The following UST variants were observed in gnomAD, a reference collection of about 807,000 sequenced individuals.
The protein encoded by UST is chondroitin sulfate 2-O-sulfotransferase.
In UST, 21 loss-of-function variants were observed where a neutral mutation model predicts 45.6. That is an observed-to-expected ratio of 0.46 (90% CI 0.33 to 0.66). The LOEUF is 0.66. Among genes scored for constraint, UST ranks in the 30% least tolerant of loss-of-function variants. The pLI is 0.02. For synonymous variants in UST, 215 were observed against 200.6 expected, an observed-to-expected ratio of 1.07 and a Z score of -0.61; for missense variants, 463 against 512.4, an observed-to-expected ratio of 0.90 and a Z score of 0.93.
rs569501176 is a variant in UST, at chr6:148,986,984, C to T, written c.681+22421C>T. Among the ~76,000 whole-genome samples the T allele has an allele frequency of 3.7e-4, 57 of 152,360 alleles. No homozygotes were observed. In the South Asian group the frequency reaches 9.3e-3, roughly 25 times the overall value. On this transcript the variant is annotated intron_variant, in intron 5 of 7. Transcript: ENST00000367463. ...CCTACTGGTGATTAAGGATTGGTAA[C>T]ATCTACAAAATAATACAAAAGATTG...
intron 5 of UST, among the ~76,000 whole-genome samples, chr6:148,968,258 C>A (rs1780843279): frequency 6.6e-6 from 1 of 152,242 alleles, no homozygotes; most frequent in African/African-American, 2.4e-5. Flanking sequence ...ATTCAAGCAT[C>A]TTATAGCTAT....
chr6:148,869,496 T>C (rs1778509478), intron 1 of UST, among the ~76,000 whole-genome samples: 1 of 152,234 alleles, frequency 6.6e-6, no homozygotes, highest in African/African-American at 2.4e-5. Context: ...ATTCAAAACC[T>C]TATTTTACAT....
At chr6:148,780,579 G>A (rs1255576055) in intron 1 of UST, among the ~76,000 whole-genome samples, 1 of 152,120 alleles carries the variant, frequency 6.6e-6, no homozygotes, top group East Asian at 1.9e-4. Flanking sequence ...AAGGATAATG[G>A]CCTCCAGCTC....
Position 148,747,188 on chromosome 6 carries a change from C to T in UST, c.-243C>T, listed in dbSNP as rs1775879661. ...GCTAGCGGGCGCCGGACGGGCGCGGCGCCCCGTCACGGGCAGCGCCCCGAA... is the reference window on the plus strand; with the variant it reads ...GCTAGCGGGCGCCGGACGGGCGCGGTGCCCCGTCACGGGCAGCGCCCCGAA... On this transcript the variant is annotated 5_prime_UTR_variant, in exon 1 of 8. Transcript: ENST00000367463. 8.5e-6 allele frequency: 2 copies of T among 235,084 alleles called. No individual in the cohort carries two copies. Among genetic ancestry groups the T allele is most frequent in the Admixed American group, 5.9e-5 (1 of 17,048 alleles). 14.6% of individuals were successfully genotyped at this position (235,084 alleles called of 1,614,324 possible).
At chr6:149,013,827 G>A (rs1314430189) in intron 5 of UST, among the ~76,000 whole-genome samples, 1 of 152,198 alleles carries the variant, frequency 6.6e-6, no homozygotes, top group Non-Finnish European at 1.5e-5. Context: ...TTTCAAGCAT[G>A]GAGCTGTGTA....
chr6:148,799,271 C>T (rs529947281), intron 1 of UST, among the ~76,000 whole-genome samples: 3 of 152,292 alleles, frequency 2.0e-5, no homozygotes, highest in East Asian at 3.9e-4. Context: ...TTAGCGTGGT[C>T]GCACACTAGA....
intron 1 of UST, among the ~76,000 whole-genome samples, chr6:148,841,838 C>G (rs568098350): frequency 1.3e-5 from 2 of 152,062 alleles, no homozygotes; most frequent in African/African-American, 4.8e-5. Context: ...GGTGCAATGG[C>G]CCAGACCCAT....
intron 2 of UST, among the ~76,000 whole-genome samples, chr6:148,894,695 T>C (rs1779085020): frequency 6.6e-6 from 1 of 152,198 alleles, no homozygotes; most frequent in Admixed American, 6.5e-5. Context: ...GCAAATGGAT[T>C]GAGTTTAATA....
chr6:148,949,058 A>G (rs1439021518), intron 3 of UST, among the ~76,000 whole-genome samples: 2 of 152,144 alleles, frequency 1.3e-5, no homozygotes, highest in Admixed American at 1.3e-4. Context: ...TGGCAGGCCA[A>G]GGCGGGTGGA....
At chr6:149,067,077 T>C (rs1776742782) in intron 7 of UST, among the ~76,000 whole-genome samples, 1 of 152,052 alleles carries the variant, frequency 6.6e-6, no homozygotes, top group Admixed American at 6.5e-5. Flanking sequence ...GTAAATGATA[T>C]TTAAGGGGAA....
intron 7 of UST, among the ~76,000 whole-genome samples, chr6:149,046,725 T>G (rs1776400099): frequency 6.6e-6 from 1 of 152,258 alleles, no homozygotes; most frequent in African/African-American, 2.4e-5. Context: ...TCTAATCATC[T>G]CATTTGATTC....
intron 1 of UST, among the ~76,000 whole-genome samples, chr6:148,759,445 T>G (rs1776162457): frequency 6.6e-6 from 1 of 151,462 alleles, no homozygotes; most frequent in South Asian, 2.1e-4. Flanking sequence ...GAGAATGTCA[T>G]GAACCCAGGA....
In UST at chr6:148,883,619, C is replaced by T. The variant is rs147395951; in HGVS notation, c.248-3367C>T. ...TCTGTATGCATTATTCCACTTAATC[C>T]CAGACCATGTCTATGACCTGGATAC... On this transcript the variant is annotated intron_variant, in intron 1 of 7. Transcript: ENST00000367463. 2.0e-5 allele frequency among the ~76,000 whole-genome samples: 3 copies of T among 152,210 alleles called. No individual in the cohort carries two copies. The East Asian group carries it at 5.8e-4, about 29-fold the overall frequency.
chr6:148,772,450 T>A (rs1357105168), intron 1 of UST, among the ~76,000 whole-genome samples: 1 of 148,986 alleles, frequency 6.7e-6, no homozygotes, highest in Non-Finnish European at 1.5e-5. Flanking sequence ...TGAGTTGGAG[T>A]CTTGCTGTGT....
intron 5 of UST, among the ~76,000 whole-genome samples, chr6:148,988,183 A>G (rs557784704): frequency 6.6e-6 from 1 of 152,220 alleles, no homozygotes; most frequent in African/African-American, 2.4e-5. Flanking sequence ...GTGCTGGGGT[A>G]TAAAGTTTGA....
In UST at chr6:148,954,250, A is replaced by G. The variant is rs145165204; in HGVS notation, c.527+299A>G. Among the ~76,000 whole-genome samples, 729 of 152,330 alleles carry G rather than the reference A, an allele frequency of 4.8e-3. 3 individuals are homozygous for G. Among genetic ancestry groups the G allele is most frequent in the African/African-American group, 0.016 (670 of 41,580 alleles). On this transcript the variant is annotated intron_variant, in intron 4 of 7. Coordinates refer to ENST00000367463, the MANE Select transcript of UST (RefSeq NM_005715.3). ...GTATTGAAACAAATAAGAAGGCAGG[A>G]GATGGGTATTTTAGCATAAATATTT...
intron 5 of UST, among the ~76,000 whole-genome samples, chr6:148,974,237 G>T (rs1365962915): frequency 6.6e-6 from 1 of 151,900 alleles, no homozygotes; most frequent in Non-Finnish European, 1.5e-5. Context: ...TGGAGCTTCA[G>T]AATAAGCTTG....
chr6:148,952,137 C>T (rs897411208), intron 3 of UST, among the ~76,000 whole-genome samples: 1 of 152,180 alleles, frequency 6.6e-6, no homozygotes, highest in African/African-American at 2.4e-5. Context: ...ATTAAACATA[C>T]ACACAGTCAA....
chr6:148,773,878 G>A (rs1378084243), intron 1 of UST, among the ~76,000 whole-genome samples: 1 of 152,198 alleles, frequency 6.6e-6, no homozygotes, highest in African/African-American at 2.4e-5. Context: ...ATTGCCAAAT[G>A]TCTGCTGCCA....
Sources: allele counts gnomAD v4.1 joint callset (sites outside exome capture counted in the v4.1 genomes callset), GRCh38; gene constraint gnomAD v4.1.1; transcripts MANE v1.5; gene names NCBI Gene and HGNC (gene_info 2026-07-23, HGNC 2026-07-21).